MAGI3: variants seen among roughly 807,000 people sequenced by gnomAD.
MAGI3 encodes membrane-associated guanylate kinase, WW and PDZ domain-containing protein 3.
In MAGI3, 43 loss-of-function variants were observed where a neutral mutation model predicts 121.8. The observed-to-expected ratio is 0.35, with a 90% CI of 0.28 to 0.46. MAGI3 has a LOEUF of 0.46. MAGI3 is among the 20% of genes least tolerant of loss of function. The pLI, the probability that MAGI3 is intolerant of heterozygous loss-of-function variation, is 1.00. For missense variants in MAGI3, 1,547 were observed against 1,797.3 expected (o/e 0.86, Z 2.52); for synonymous variants, 553 against 639.3 (o/e 0.86, Z 2.04).
chr1:113,681,209 G>C lies in MAGI3; in HGVS notation c.3201G>C (p.Gln1067His). Residue 1067 changes from glutamine to histidine, a missense_variant, in exon 20 of 21, where the codon CAG becomes CAC. Coordinates refer to ENST00000307546, the MANE Select transcript of MAGI3 (RefSeq NM_001142782.2). ...IKDGRIHVGD[Q>H]IVEINGEPTQ... ...TGTTCTCTGTCTAGGTTGGTGACCA[G>C]ATTGTTGAAATCAATGGGGAACCTA... The C allele has an allele frequency of 6.2e-7, 1 of 1,613,780 alleles. No homozygotes were observed. Among genetic ancestry groups the C allele is most frequent in the Non-Finnish European group, 8.5e-7 (1 of 1,179,930 alleles).
rs1430585773 is a variant in MAGI3, at chr1:113,505,545, AATAAATAAATAT to A, written c.317-43965_317-43954del. ...AAATAAATAAATAAATAAATAAATAAATAAATAAATATATAATGTCAGATCACATAAAAGCTA... is the reference window on the plus strand; with the variant it reads ...AAATAAATAAATAAATAAATAAATAAATAATGTCAGATCACATAAAAGCTA... On this transcript the variant is annotated intron_variant, in intron 1 of 20. Transcript: ENST00000307546. Among the ~76,000 whole-genome samples the A allele has an allele frequency of 4.5e-3, 679 of 149,740 alleles. 9 individuals are homozygous for A. The highest frequency in any genetic ancestry group is 0.016 in the African/African-American group (653 of 41,090).
chr1:113,683,582 G>A lies in MAGI3; in HGVS notation c.4014G>A (p.Arg1338=). 6.2e-7 allele frequency: 1 copy of A among 1,613,894 alleles called. No individual in the cohort carries two copies. Among genetic ancestry groups the A allele is most frequent in the Non-Finnish European group, 8.5e-7 (1 of 1,179,894 alleles). ...GGAAGGAAAAATCAGACGTCATCAG[G>A]AAAGATGCAAAGCAGAATCAGTTGG... ...PDGKEKSDVI[R]KDAKQNQLEK... Residue 1338 remains arginine, a synonymous_variant, in exon 21 of 21, where the codon AGG becomes AGA. Coordinates refer to ENST00000307546, the MANE Select transcript of MAGI3 (RefSeq NM_001142782.2).
chr1:113,459,153 G>A (rs1340204052), intron 1 of MAGI3, among the ~76,000 whole-genome samples: 1 of 152,084 alleles, frequency 6.6e-6, no homozygotes, highest in African/African-American at 2.4e-5. Flanking sequence ...TTGTCAAAAG[G>A]CAGTATTTTT....
chr1:113,534,938 C>G (rs1388257931), intron 1 of MAGI3, among the ~76,000 whole-genome samples: 23 of 151,986 alleles, frequency 1.5e-4, no homozygotes, highest in Admixed American at 1.4e-3. Flanking sequence ...CTTAAATCAC[C>G]ATATGGTATT....
intron 9 of MAGI3, among the ~76,000 whole-genome samples, chr1:113,634,782 A>C (rs1482483027): frequency 6.6e-6 from 1 of 152,162 alleles, no homozygotes; most frequent in African/African-American, 2.4e-5. Flanking sequence ...AGTCATTGGT[A>C]GCTTGATGGG....
intron 1 of MAGI3, among the ~76,000 whole-genome samples, chr1:113,526,980 C>A (rs1387665884): frequency 1.3e-5 from 2 of 152,108 alleles, no homozygotes; most frequent in African/African-American, 4.8e-5. Flanking sequence ...TTCTCCCCAT[C>A]TGTAAAATGG....
chr1:113,450,164 A>T, intron 1 of MAGI3: 5 of 1,497,620 alleles, frequency 3.3e-6, no homozygotes, highest in Non-Finnish European at 4.6e-6. Flanking sequence ...GATGAGCATG[A>T]TACAGTTGAT....
chr1:113,447,582 G>A (rs547020117), intron 1 of MAGI3, among the ~76,000 whole-genome samples: 18 of 152,244 alleles, frequency 1.2e-4, no homozygotes, highest in African/African-American at 3.4e-4. Context: ...GGCTGGGAGC[G>A]GTGGCTCACG....
intron 1 of MAGI3, among the ~76,000 whole-genome samples, chr1:113,444,032 C>T (rs533613464): frequency 1.8e-4 from 27 of 152,216 alleles, no homozygotes; most frequent in Non-Finnish European, 3.2e-4. Context: ...TATTTTGGAT[C>T]TCTGGAGTCT....
At chr1:113,662,327 A>C (rs918761591) in intron 16 of MAGI3, among the ~76,000 whole-genome samples, 2 of 152,202 alleles carry the variant, frequency 1.3e-5, no homozygotes, top group Non-Finnish European at 2.9e-5. Context: ...ACTGTTCTCT[A>C]TCATATGGCA....
At chr1:113,455,114 A>G (rs2101498473) in intron 1 of MAGI3, among the ~76,000 whole-genome samples, 1 of 152,284 alleles carries the variant, frequency 6.6e-6, no homozygotes, top group Admixed American at 6.5e-5. Flanking sequence ...GGAAGGAAAT[A>G]ATAAAAATGA....
At chr1:113,625,033 A>G (rs956821751) in intron 9 of MAGI3, among the ~76,000 whole-genome samples, 5 of 151,972 alleles carry the variant, frequency 3.3e-5, no homozygotes, top group African/African-American at 1.2e-4. Context: ...GGATTTTTCT[A>G]TTCTGTTCCA....
At chr1:113,513,126 A>G (rs1468799274) in intron 1 of MAGI3, among the ~76,000 whole-genome samples, 1 of 152,196 alleles carries the variant, frequency 6.6e-6, no homozygotes, top group Non-Finnish European at 1.5e-5. Context: ...GAAATAAAGG[A>G]GGATACAAAG....
At chr1:113,584,967 C>CATTTT (rs1553202682) in intron 3 of MAGI3, among the ~76,000 whole-genome samples, 1 of 135,722 alleles carries the variant, frequency 7.4e-6, no homozygotes, top group Non-Finnish European at 1.5e-5. Context: ...TAGATATTTC[C>CATTTT]TTTTTTTTTT....
chr1:113,519,687 T>C (rs947023525), intron 1 of MAGI3, among the ~76,000 whole-genome samples: 2 of 152,210 alleles, frequency 1.3e-5, no homozygotes. Flanking sequence ...TCCTCCAGTA[T>C]TGAGTTGTGA....
intron 19 of MAGI3, among the ~76,000 whole-genome samples, chr1:113,679,377 G>C (rs980979517): frequency 6.6e-6 from 1 of 152,114 alleles, no homozygotes; most frequent in South Asian, 2.1e-4. Context: ...TTCTGCGTTA[G>C]TTTGCTTAGG....
chr1:113,428,369 C>A lies in MAGI3; in HGVS notation c.316+37020C>A, dbSNP rs148053928. ...TCCCCATATGGATTTTTAGTTCATTCAGCTCTATTTATTGAAAAGACATCC... is the reference window on the plus strand; with the variant it reads ...TCCCCATATGGATTTTTAGTTCATTAAGCTCTATTTATTGAAAAGACATCC... On this transcript the variant is annotated intron_variant, in intron 1 of 20. Transcript: ENST00000307546. Among the ~76,000 whole-genome samples, 364 of 152,202 alleles carry A rather than the reference C, an allele frequency of 2.4e-3. 12 individuals carry two copies. Among genetic ancestry groups the A allele is most frequent in the Admixed American group, 0.02 (303 of 15,284 alleles).
At chr1:113,428,046 A>AT (rs1287604181) in intron 1 of MAGI3, among the ~76,000 whole-genome samples, 3 of 151,832 alleles carry the variant, frequency 2.0e-5, no homozygotes, top group East Asian at 3.9e-4. Flanking sequence ...CATATTCTCC[A>AT]TTTTTTGTGC....
intron 6 of MAGI3, 29 bp from the exon 7 acceptor site, chr1:113,614,572 G>T: frequency 6.5e-7 from 1 of 1,540,292 alleles, no homozygotes; most frequent in Non-Finnish European, 9.0e-7. Context: ...TTTGAATCTG[G>T]CATTTCACTC....
Sources: allele counts gnomAD v4.1 joint callset (sites outside exome capture counted in the v4.1 genomes callset), GRCh38; gene constraint gnomAD v4.1.1; transcripts MANE v1.5; gene names NCBI Gene and HGNC (gene_info 2026-07-23, HGNC 2026-07-21).